PMS1: variants seen among roughly 807,000 people sequenced by gnomAD.
PMS1 encodes PMS1 protein homolog 1.
Under a neutral mutation model 93.1 loss-of-function variants are expected in PMS1, and 79 were observed. The observed-to-expected ratio is 0.85, with a 90% CI of 0.71 to 1.02. PMS1 has a LOEUF of 1.02. Among genes scored for constraint, PMS1 ranks in the 50% least tolerant of loss-of-function variants. The probability of loss-of-function intolerance (pLI) is 0.00; values close to 1 mark genes in which losing one functional copy is unlikely to be tolerated. For synonymous variants in PMS1, 335 were observed against 363.4 expected (o/e 0.92, Z 0.89); for missense variants, 1,064 against 1,085.3 (o/e 0.98, Z 0.28).
At position 189,826,875 on chromosome 2, in the gene PMS1, G is replaced by A. The variant is rs551468163; in HGVS notation, c.582+8695G>A. ...TAGTGTTAAAGCCAAAATAGTAAGT[G>A]TATGAAACACTAGTTTTAAACACTC... On this transcript the variant is annotated intron_variant, in intron 5 of 12. Transcript: ENST00000441310. Among the ~76,000 whole-genome samples the A allele has an allele frequency of 1.5e-4, 23 of 152,270 alleles. No homozygotes were observed. The South Asian group carries it at 4.8e-3, about 32-fold the overall frequency.
rs779802611 is a variant in PMS1, at chr2:189,818,132, C to A, written c.534C>A (p.Ser178Arg). Residue 178 changes from serine (S) to arginine (R), a missense_variant, in exon 5 of 13, where the codon AGC (serine) becomes AGA (arginine). Physicochemically the swap from Ser to Arg is moderately radical, Grantham distance 110 (BLOSUM62 -1). Coordinates refer to ENST00000441310, the MANE Select transcript of PMS1 (RefSeq NM_000534.5). ...EIKKIQDLLM[S>R]FGILKPDLRI... ...AAAAGATCCAAGATCTCCTCATGAG[C>A]TTTGGTATCCTTAAACCTGACTTAA... 1.2e-6 allele frequency: 2 copies of A among 1,608,106 alleles called. No individual in the cohort carries two copies. Among genetic ancestry groups the A allele is most frequent in the East Asian group, 4.5e-5 (2 of 44,766 alleles).
rs1375396701 is a variant in PMS1, at chr2:189,864,149, G to C, written c.2263G>C (p.Ala755Pro). ...MLLNPYRVEE[A>P]LLFKRLLENH... ...ATTAAATCCATATAGAGTAGAAGAA[G>C]CCCTGCTATTTAAAAGACTTCTTGA... Residue 755 changes from alanine (A) to proline (P), a missense_variant, in exon 10 of 13, where the codon GCC (alanine) becomes CCC (proline). Ala to Pro is a conservative substitution (Grantham distance 27, BLOSUM62 -1). Transcript: ENST00000441310. 3.7e-6 allele frequency: 6 copies of C among 1,611,600 alleles called. No homozygotes were observed. Among genetic ancestry groups the C allele is most frequent in the Non-Finnish European group, 5.1e-6 (6 of 1,178,176 alleles).
At chr2:189,798,280 G>T (rs1016026836) in intron 3 of PMS1, among the ~76,000 whole-genome samples, 3 of 152,124 alleles carry the variant, frequency 2.0e-5, no homozygotes, top group African/African-American at 7.2e-5. Flanking sequence ...TTTACTTTTG[G>T]GCTTTTCTGG....
At chr2:189,815,055 T>C (rs2544055) in intron 4 of PMS1, among the ~76,000 whole-genome samples, 146,934 of 150,134 alleles carry the variant, frequency 0.98, 71,927 homozygotes, top group East Asian at 1. Flanking sequence ...GCCGAGATCA[T>C]GCCACTGCAC....
chr2:189,798,436 G>A (rs2049553379), intron 3 of PMS1, among the ~76,000 whole-genome samples: 1 of 152,192 alleles, frequency 6.6e-6, no homozygotes, highest in East Asian at 1.9e-4. Flanking sequence ...AAATTGTCAT[G>A]TGTACTCTTA....
At chr2:189,808,387 G>T (rs928418717) in intron 4 of PMS1, among the ~76,000 whole-genome samples, 4 of 152,076 alleles carry the variant, frequency 2.6e-5, no homozygotes, top group Non-Finnish European at 4.4e-5. Context: ...GAGTGCAGTG[G>T]CGTGATCTCA....
intron 4 of PMS1, 98 bp downstream of exon 4, chr2:189,805,852 T>C: frequency 6.4e-7 from 1 of 1,563,418 alleles, no homozygotes. Context: ...AATATATTGC[T>C]TTGGGCTTGG....
chr2:189,859,728 A>T (rs748556321), intron 9 of PMS1, among the ~76,000 whole-genome samples: 3 of 152,048 alleles, frequency 2.0e-5, no homozygotes, highest in Admixed American at 6.5e-5. Context: ...TCGAACATCC[A>T]TTATCTTCTA....
chr2:189,853,847 A>T (rs1440684184), intron 7 of PMS1, 92 bp from the exon 8 acceptor site: 2 of 776,954 alleles, frequency 2.6e-6, no homozygotes, highest in Admixed American at 2.3e-5. Flanking sequence ...AAGCAGTTGC[A>T]TCTACTCAAT....
chr2:189,837,686 C>T (rs1464495420), intron 5 of PMS1, among the ~76,000 whole-genome samples: 3 of 152,106 alleles, frequency 2.0e-5, no homozygotes, highest in Admixed American at 6.5e-5. Flanking sequence ...ACTCATAGAT[C>T]TATACCCAAG....
chr2:189,810,851 C>A (rs986875533), intron 4 of PMS1, among the ~76,000 whole-genome samples: 3 of 151,762 alleles, frequency 2.0e-5, no homozygotes, highest in African/African-American at 7.3e-5. Flanking sequence ...CTTTAGTATC[C>A]TTTTATATTC....
intron 3 of PMS1, among the ~76,000 whole-genome samples, chr2:189,802,318 G>C (rs562747332): frequency 2.0e-5 from 3 of 152,136 alleles, no homozygotes; most frequent in Admixed American, 2.0e-4. Context: ...TATGTTGCAT[G>C]TATTATATAC....
At chr2:189,823,208 GGTTTTTTTGTTTT>G (rs1195475322) in intron 5 of PMS1, among the ~76,000 whole-genome samples, 10 of 151,140 alleles carry the variant, frequency 6.6e-5, no homozygotes, top group African/African-American at 1.9e-4. Context: ...CACAGATTTG[GGTTTTTTTGTTTT>G]GTTTTTTTGT....
At chr2:189,792,818 T>TA (rs1221255124) in intron 2 of PMS1, among the ~76,000 whole-genome samples, 1 of 151,016 alleles carries the variant, frequency 6.6e-6, no homozygotes, top group Non-Finnish European at 1.5e-5. Flanking sequence ...TTTATTTATT[T>TA]TTTATTTTTT....
chr2:189,803,520 A>C (rs1453200979), intron 3 of PMS1, among the ~76,000 whole-genome samples: 1 of 152,150 alleles, frequency 6.6e-6, no homozygotes, highest in Non-Finnish European at 1.5e-5. Flanking sequence ...ACCATTCCTC[A>C]ATGTCTCTAG....
At chr2:189,802,721 T>G (rs1220205405) in intron 3 of PMS1, among the ~76,000 whole-genome samples, 1 of 152,188 alleles carries the variant, frequency 6.6e-6, no homozygotes, top group African/African-American at 2.4e-5. Flanking sequence ...TATAAAAGGG[T>G]CAGGGGAAGC....
chr2:189,839,584 T>C (rs2053656132), intron 5 of PMS1, among the ~76,000 whole-genome samples: 1 of 152,234 alleles, frequency 6.6e-6, no homozygotes, highest in Admixed American at 6.5e-5. Context: ...TCTTGTGATT[T>C]GTCTTAGAGA....
rs1348737973 is a variant in PMS1 at position 189,820,225 on chromosome 2, G to A, written c.582+2045G>A. ...TAGGTTTAATACTTTGCTCATTGTT[G>A]TGCGACTAGTAAATTGAGATGGGAT... On this transcript the variant is annotated intron_variant, in intron 5 of 12. Transcript: ENST00000441310. Among the ~76,000 whole-genome samples, 6 of 152,252 alleles carry A rather than the reference G, an allele frequency of 3.9e-5. No homozygotes were observed. In the East Asian group the frequency reaches 1.2e-3, roughly 29 times the overall value.
chr2:189,792,035 T>G (rs2048914321), intron 2 of PMS1, 94 bp downstream of exon 2: 1 of 1,071,252 alleles, frequency 9.3e-7, no homozygotes, highest in Non-Finnish European at 1.4e-6. Context: ...TTTTATTTCT[T>G]TACACCAATA....
Sources: allele counts gnomAD v4.1 joint callset (sites outside exome capture counted in the v4.1 genomes callset), GRCh38; gene constraint gnomAD v4.1.1; transcripts MANE v1.5; gene names NCBI Gene and HGNC (gene_info 2026-07-23, HGNC 2026-07-21).